HYAL1: variants seen among roughly 807,000 people sequenced by gnomAD.
HYAL1 encodes hyaluronidase-1.
A neutral mutation model predicts 28.8 loss-of-function variants in HYAL1; 21 were observed. The observed-to-expected ratio is 0.73, with a 90% CI of 0.52 to 1.05. The LOEUF (loss-of-function observed/expected upper bound fraction) is 1.05, where lower values mean the gene tolerates loss of function less well. HYAL1 is among the 50% of genes least tolerant of loss of function. The pLI, the probability that HYAL1 is intolerant of heterozygous loss-of-function variation, is 0.00. For missense variants in HYAL1, 491 were observed against 579.2 expected, an observed-to-expected ratio of 0.85 and a Z score of 1.56; for synonymous variants, 200 against 230.1, an observed-to-expected ratio of 0.87 and a Z score of 1.18.
At chr3:50,304,611 T>C (rs970116835), upstream of HYAL1, among the ~76,000 whole-genome samples, 2 of 151,884 alleles carry the variant, frequency 1.3e-5, no homozygotes, top group African/African-American at 2.4e-5. Flanking sequence ...AAAAACATTT[T>C]GTGGGCCCCT....
At chr3:50,301,149 A>G in intron 2 of HYAL1, 72 bp from the exon 3 acceptor site, 2 of 1,000,616 alleles carry the variant, frequency 2.0e-6, no homozygotes, top group Middle Eastern at 4.2e-4. Context: ...ACACCATTAG[A>G]TGGGACAAAT....
upstream of HYAL1, among the ~76,000 whole-genome samples, chr3:50,306,744 G>A (rs782114769): frequency 2.7e-5 from 4 of 150,800 alleles, 1 homozygote; most frequent in African/African-American, 9.9e-5. Flanking sequence ...AAATTAGCCC[G>A]GCATGGTGGT....
chr3:50,305,393 G>A (rs1575520505), upstream of HYAL1, among the ~76,000 whole-genome samples: 1 of 151,534 alleles, frequency 6.6e-6, no homozygotes, highest in Non-Finnish European at 1.5e-5. Context: ...ACAGGCGCCC[G>A]CCACCACGCC....
Position 50,302,291 on chromosome 3 carries a change from T to C in HYAL1, c.666A>G (p.Pro222=), listed in dbSNP as rs1366454491. 11 of 1,613,752 alleles carry C rather than the reference T, an allele frequency of 6.8e-6. No individual in the cohort carries two copies. The highest frequency in any genetic ancestry group is 7.6e-6 in the Non-Finnish European group (9 of 1,180,012). ...FLSPNYTGQC[P]SGIRAQNDQL... ...GGTCATTTTGGGCACGGATGCCTGA[T>C]GGGCACTGGCCGGTGTAGTTGGGGC... Residue 222 remains proline (P), a synonymous_variant, in exon 2 of 4, where the codon CCA becomes CCG. Transcript: ENST00000395144. This position sits in a 1 kb window ranked among gnomAD's most constrained non-coding sequence, Gnocchi z 5.0.
rs1355663487 is a variant in HYAL1, at chr3:50,302,911, G to A, written c.46C>T (p.Leu16Phe). 1.2e-6 allele frequency: 2 copies of A among 1,602,468 alleles called. No homozygotes were observed. Among genetic ancestry groups the A allele is most frequent in the East Asian group, 4.5e-5 (2 of 44,700 alleles). The change falls in exon 2 of 4, where the codon CTC becomes TTC. Residue 16 changes from leucine (L) to phenylalanine (F), a missense_variant. Leu to Phe is a conservative substitution (Grantham distance 22). Coordinates refer to ENST00000395144, the MANE Select transcript of HYAL1 (RefSeq NM_033159.4). The surrounding 1 kb of genome is among the most constrained non-coding windows in gnomAD (Gnocchi z 5.0). ...CCCCTAAAGCCTTGGGCCATATCGA[G>A]TAAGGTCAGGAAGAGGGCGCAGATG... ...LPICALFLTL[L>F]DMAQGFRGPL...
chr3:50,311,828 G>A (rs1483963950), intron 1 of HYAL1, among the ~76,000 whole-genome samples: 3 of 147,114 alleles, frequency 2.0e-5, no homozygotes, highest in Admixed American at 6.7e-5. Flanking sequence ...CGGATGGGGC[G>A]GCTGGCCAGG....
chr3:50,302,225 G>A lies in HYAL1; in HGVS notation c.732C>T (p.Pro244=), dbSNP rs1702194412. 6.2e-7 allele frequency: 1 copy of A among 1,613,970 alleles called. No individual in the cohort carries two copies. Among genetic ancestry groups the A allele is most frequent in the Admixed American group, 1.7e-5 (1 of 60,012 alleles). ...CCAGCACTGCGGGCATGTAGATGCT[G>A]GGATAGAGGGCACGGCTCTGGCCCC... ...WLWGQSRALY[P]SIYMPAVLEG... Residue 244 remains proline (P), a synonymous_variant, in exon 2 of 4, where the codon CCC becomes CCT. Transcript: ENST00000395144. The surrounding 1 kb of genome is among the most constrained non-coding windows in gnomAD (Gnocchi z 5.0).
rs782705641 is a variant in HYAL1 at position 50,302,595 on chromosome 3, T to C, written c.362A>G (p.Asp121Gly). 1 of 1,613,848 alleles carries C rather than the reference T, an allele frequency of 6.2e-7. No homozygotes were observed. The highest frequency in any genetic ancestry group is 1.3e-5 in the African/African-American group (1 of 74,866). ...GTCGATGACTGCCAGCCCTGAGAAG[T>C]CAGGAGCAGGTATGGCAGCCAGGAT... Reference protein sequence around the residue: ...QDILAAIPAPDFSGLAVIDWE... With the variant: ...QDILAAIPAPGFSGLAVIDWE... Residue 121 changes from aspartate to glycine, a missense_variant, in exon 2 of 4, where the codon GAC becomes GGC. Coordinates refer to ENST00000395144, the MANE Select transcript of HYAL1 (RefSeq NM_033159.4). The surrounding 1 kb of genome is among the most constrained non-coding windows in gnomAD (Gnocchi z 5.0).
At chr3:50,307,331 T>C (rs1702350960), upstream of HYAL1, among the ~76,000 whole-genome samples, 4 of 150,388 alleles carry the variant, frequency 2.7e-5, no homozygotes, top group South Asian at 6.2e-4. Context: ...GCCACTGCAC[T>C]CCAGCCTGGG....
intron 1 of HYAL1, among the ~76,000 whole-genome samples, chr3:50,311,724 C>A (rs1242062076): frequency 2.0e-5 from 3 of 146,658 alleles, no homozygotes; most frequent in Non-Finnish European, 4.5e-5. Context: ...TGGGGCTGAT[C>A]CCCCCACCTC....
chr3:50,307,660 G>T (rs1702359086), upstream of HYAL1, among the ~76,000 whole-genome samples: 2 of 98,064 alleles, frequency 2.0e-5, no homozygotes, highest in East Asian at 3.4e-4. Context: ...CAGCCTGGGT[G>T]ACAGAGCAAG....
At chr3:50,301,183 T>A in intron 2 of HYAL1, 106 bp from the exon 3 acceptor site, 1 of 749,090 alleles carries the variant, frequency 1.3e-6, no homozygotes, top group Non-Finnish European at 2.2e-6. Flanking sequence ...CACCTGGGGC[T>A]GCTCTGGCCA....
chr3:50,302,692 C>T lies in HYAL1; in HGVS notation c.265G>A (p.Gly89Arg), dbSNP rs782013653. 1 of 1,614,100 alleles carries T rather than the reference C, an allele frequency of 6.2e-7. No homozygotes were observed. The highest frequency in any genetic ancestry group is 8.5e-7 in the Non-Finnish European group (1 of 1,180,020). The change falls in exon 2 of 4, where the codon GGG becomes AGG. Residue 89 changes from glycine to arginine, a missense_variant. Physicochemically the swap from Gly to Arg is moderately radical, Grantham distance 125 (BLOSUM62 -2). Transcript: ENST00000395144. This position sits in a 1 kb window ranked among gnomAD's most constrained non-coding sequence, Gnocchi z 5.0. ...GGCAGACCACCAAACACAGGCTCCC[C>T]AGTGGGCGTGTAGTAGGGGTAGGTG... ...LGTYPYYTPT[G>R]EPVFGGLPQN... is the part of the protein sequence containing the mutation.
chr3:50,310,269 T>G (rs1230951520), intron 1 of HYAL1, among the ~76,000 whole-genome samples: 2 of 148,918 alleles, frequency 1.3e-5, no homozygotes, highest in African/African-American at 2.5e-5. Flanking sequence ...CTGTGTGTTT[T>G]TTTTTTTTTT....
chr3:50,305,248 T>A (rs1313427941), upstream of HYAL1, among the ~76,000 whole-genome samples: 1 of 152,198 alleles, frequency 6.6e-6, no homozygotes, highest in Non-Finnish European at 1.5e-5. Context: ...GTTTTTTTTT[T>A]ATTTTTATTT....
At chr3:50,305,191 G>C (rs782147785), upstream of HYAL1, among the ~76,000 whole-genome samples, 1 of 152,106 alleles carries the variant, frequency 6.6e-6, no homozygotes, top group African/African-American at 2.4e-5. Flanking sequence ...GTGGGGGGCC[G>C]TGCTTTGAGC....
At position 50,300,729 on chromosome 3, in the gene HYAL1, C is replaced by A; in HGVS notation, c.1062G>T (p.Gly354=). ...ACAGGGCTTGACTGCAGAGAAGGGCCCCACTGGTCACGTTCAGGATGAAGG... is the reference window on the plus strand; with the variant it reads ...ACAGGGCTTGACTGCAGAGAAGGGCACCACTGGTCACGTTCAGGATGAAGG... ...LGPFILNVTS[G]ALLCSQALCS... Residue 354 remains glycine, a synonymous_variant, in exon 4 of 4, where the codon GGG becomes GGT. Coordinates refer to ENST00000395144, the MANE Select transcript of HYAL1 (RefSeq NM_033159.4). 6.2e-7 allele frequency: 1 copy of A among 1,614,056 alleles called. No individual in the cohort carries two copies. Among genetic ancestry groups the A allele is most frequent in the Non-Finnish European group, 8.5e-7 (1 of 1,180,002 alleles).
upstream of HYAL1, among the ~76,000 whole-genome samples, chr3:50,307,227 T>A (rs1702349218): frequency 6.7e-6 from 1 of 150,026 alleles, no homozygotes; most frequent in Non-Finnish European, 1.5e-5. Flanking sequence ...TAGCCAGGCT[T>A]AGTGGTGTGT....
At chr3:50,310,802 C>G (rs1403417091) in intron 1 of HYAL1, among the ~76,000 whole-genome samples, 5 of 150,356 alleles carry the variant, frequency 3.3e-5, no homozygotes, top group African/African-American at 1.2e-4. Flanking sequence ...GGTGATGACT[C>G]TTAACGAGCA....
Sources: allele counts gnomAD v4.1 joint callset (sites outside exome capture counted in the v4.1 genomes callset), GRCh38; gene constraint gnomAD v4.1.1; non-coding constraint Gnocchi (gnomAD v3.1); transcripts MANE v1.5; gene names NCBI Gene and HGNC (gene_info 2026-07-23, HGNC 2026-07-21).